KCNN3: variants seen among roughly 807,000 people sequenced by gnomAD.
The protein encoded by KCNN3 is small conductance calcium-activated potassium channel protein 3.
In KCNN3, 16 loss-of-function variants were observed where a neutral mutation model predicts 62.9. That is an observed-to-expected ratio of 0.25 (90% CI 0.17 to 0.39). The LOEUF is 0.39. KCNN3 is among the 10% of genes least tolerant of loss of function. KCNN3 has a pLI of 1.00. For synonymous variants in KCNN3, 370 were observed against 389.2 expected (o/e 0.95, Z 0.58); for missense variants, 599 against 949.4 (o/e 0.63, Z 4.85).
chr1:154,767,599 G>A (rs755728528), intron 3 of KCNN3, among the ~76,000 whole-genome samples: 16 of 152,310 alleles, frequency 1.1e-4, no homozygotes, highest in South Asian at 8.3e-4. Flanking sequence ...GTGAGGACCC[G>A]GGGCCTCAGA....
intron 1 of KCNN3, among the ~76,000 whole-genome samples, chr1:154,840,519 C>T (rs925436394): frequency 2.8e-4 from 42 of 152,158 alleles, no homozygotes; most frequent in Non-Finnish European, 4.4e-4. Flanking sequence ...TTCCTCTCAC[C>T]GCTCCTCATT....
rs1303036659 is a variant in KCNN3, at chr1:154,711,384, C to T, written c.1899+2080G>A. ...GGGAGGGATAGCATTAGGAGATATACCTAATGTTAAATGACGAGTTAATGG... is the reference window on the plus strand; with the variant it reads ...GGGAGGGATAGCATTAGGAGATATATCTAATGTTAAATGACGAGTTAATGG... On this transcript the variant is annotated intron_variant, in intron 7 of 7. Coordinates refer to ENST00000271915, the MANE Select transcript of KCNN3 (RefSeq NM_002249.6). Among the ~76,000 whole-genome samples the T allele has an allele frequency of 2.0e-5, 3 of 148,672 alleles. No homozygotes were observed. In the East Asian group the frequency reaches 5.9e-4, roughly 29 times the overall value.
At chr1:154,717,019 T>A (rs1015043206) in intron 5 of KCNN3, among the ~76,000 whole-genome samples, 1 of 152,224 alleles carries the variant, frequency 6.6e-6, no homozygotes. Context: ...ATCCCTGCTC[T>A]GTCAATTATT....
chr1:154,849,687 G>A (rs969292663), intron 1 of KCNN3, among the ~76,000 whole-genome samples: 5 of 152,332 alleles, frequency 3.3e-5, no homozygotes, highest in African/African-American at 7.2e-5. Flanking sequence ...GTGAGGGAAC[G>A]AGAGGACCTG....
intron 1 of KCNN3, among the ~76,000 whole-genome samples, chr1:154,853,565 T>G (rs1193551887): frequency 6.6e-6 from 1 of 152,162 alleles, no homozygotes; most frequent in Non-Finnish European, 1.5e-5. Context: ...ACTCCTGAGC[T>G]CAAGCGATCC....
In KCNN3 at chr1:154,772,788, G is replaced by A. The variant is rs890251390; in HGVS notation, c.1030-395C>T. On this transcript the variant is annotated intron_variant, in intron 2 of 7. Transcript: ENST00000271915. This position sits in a 1 kb window ranked among gnomAD's most constrained non-coding sequence, Gnocchi z 5.6. ...GCTAATGAGATGACTAGTGGCTGGGGTCGGTCGGGGTGGGGATCCAGGGTG... is the reference window on the plus strand; with the variant it reads ...GCTAATGAGATGACTAGTGGCTGGGATCGGTCGGGGTGGGGATCCAGGGTG... Among the ~76,000 whole-genome samples the A allele has an allele frequency of 6.6e-6, 1 of 152,158 alleles. No individual in the cohort carries two copies. Among genetic ancestry groups the A allele is most frequent in the Non-Finnish European group, 1.5e-5 (1 of 68,034 alleles).
intron 1 of KCNN3, among the ~76,000 whole-genome samples, chr1:154,847,838 C>T (rs1652139806): frequency 6.6e-6 from 1 of 152,186 alleles, no homozygotes; most frequent in Non-Finnish European, 1.5e-5. Context: ...CTTACAGCCA[C>T]CCGTGGGCCA....
chr1:154,746,985 A>C (rs1418750735), intron 3 of KCNN3, among the ~76,000 whole-genome samples: 2 of 151,648 alleles, frequency 1.3e-5, no homozygotes, highest in Admixed American at 1.3e-4. Flanking sequence ...CCGATCCCCA[A>C]CTCTGCTCAT....
chr1:154,840,142 C>T (rs900262991), intron 1 of KCNN3, among the ~76,000 whole-genome samples: 5 of 152,024 alleles, frequency 3.3e-5, no homozygotes, highest in African/African-American at 1.2e-4. Context: ...TGTAGAGATG[C>T]TCTAAAAGAA....
intron 1 of KCNN3, among the ~76,000 whole-genome samples, chr1:154,856,632 A>C (rs1452250288): frequency 2.0e-5 from 3 of 152,212 alleles, no homozygotes; most frequent in Non-Finnish European, 4.4e-5. Flanking sequence ...CATGTGTGCC[A>C]GAAACCATGT....
chr1:154,859,831 G>A (rs1652691915), intron 1 of KCNN3: 3 of 1,608,596 alleles, frequency 1.9e-6, no homozygotes, highest in African/African-American at 1.3e-5. Flanking sequence ...TGTCCTTTAA[G>A]CTGACTTTCC....
chr1:154,757,566 C>A (rs1571245170), intron 3 of KCNN3, among the ~76,000 whole-genome samples: 1 of 152,190 alleles, frequency 6.6e-6, no homozygotes, highest in East Asian at 1.9e-4. Flanking sequence ...GGTCTCGCTC[C>A]CTAATTCCCA....
At chr1:154,735,773 G>T (rs1252885643) in intron 3 of KCNN3, among the ~76,000 whole-genome samples, 2 of 152,208 alleles carry the variant, frequency 1.3e-5, no homozygotes, top group African/African-American at 4.8e-5. Flanking sequence ...CTTCCCAGCA[G>T]GTTGCTTTCT....
At chr1:154,777,415 G>T (rs1204618061) in intron 2 of KCNN3, among the ~76,000 whole-genome samples, 1 of 152,164 alleles carries the variant, frequency 6.6e-6, no homozygotes, top group Non-Finnish European at 1.5e-5. Context: ...AGGACAGATT[G>T]CCTGTGGCCC....
Position 154,699,727 on chromosome 1 carries a change from A to T in KCNN3, c.*8249T>A, listed in dbSNP as rs1362246246. On this transcript the variant is annotated 3_prime_UTR_variant, in exon 8 of 8. Transcript: ENST00000271915. The stretch of plus-strand genomic sequence containing the variant: ...TTGCTATTTTCCTCTAGGGGAGGGG[A>T]GTTCTTACTGGTGAGATGCTGAGTT... 1 of 152,032 alleles carries T rather than the reference A, an allele frequency of 6.6e-6. No homozygotes were observed. The highest frequency in any genetic ancestry group is 1.5e-5 in the Non-Finnish European group (1 of 68,030). 9.4% of individuals were successfully genotyped at this position (152,032 alleles called of 1,614,324 possible). A position where few individuals can be genotyped will look rare whatever the true frequency, so the allele number is the denominator to read the frequency against.
chr1:154,748,235 G>C (rs956223755), intron 3 of KCNN3, among the ~76,000 whole-genome samples: 1 of 152,104 alleles, frequency 6.6e-6, no homozygotes, highest in Non-Finnish European at 1.5e-5. Flanking sequence ...CACAGCTGCT[G>C]TCTGTCTGTG....
At chr1:154,743,313 G>A (rs904310424) in intron 3 of KCNN3, among the ~76,000 whole-genome samples, 8 of 152,158 alleles carry the variant, frequency 5.3e-5, no homozygotes, top group Non-Finnish European at 8.8e-5. Context: ...CCTGGGCGAC[G>A]CTTGCCTCAG....
intron 1 of KCNN3, among the ~76,000 whole-genome samples, chr1:154,841,512 G>A (rs34106427): frequency 0.23 from 34,951 of 152,132 alleles, 4,592 homozygotes; most frequent in Non-Finnish European, 0.31. Flanking sequence ...CACTGAGCAA[G>A]GCACTGTTCG....
Position 154,869,953 on chromosome 1 carries a change from A to G in KCNN3, c.12T>C (p.Ser4=). 1 of 1,610,926 alleles carries G rather than the reference A, an allele frequency of 6.2e-7. No homozygotes were observed. The highest frequency in any genetic ancestry group is 8.5e-7 in the Non-Finnish European group (1 of 1,178,658). The change falls in exon 1 of 8, where the codon TCT becomes TCC. Residue 4 remains serine (S), a synonymous_variant. Coordinates refer to ENST00000271915, the MANE Select transcript of KCNN3 (RefSeq NM_002249.6). This position sits in a 1 kb window ranked among gnomAD's most constrained non-coding sequence, Gnocchi z 6.1. MDT[S]GHFHDSGVGD... ...CCACCCCCGAGTCATGGAAGTGCCC[A>G]GAAGTGTCCATCTTGGGGCCTGGCT...
Sources: allele counts gnomAD v4.1 joint callset (sites outside exome capture counted in the v4.1 genomes callset), GRCh38; gene constraint gnomAD v4.1.1; non-coding constraint Gnocchi (gnomAD v3.1); transcripts MANE v1.5; gene names NCBI Gene and HGNC (gene_info 2026-07-23, HGNC 2026-07-21).